Variants in TNK2 observed in about 807,000 individuals in gnomAD.
The protein encoded by TNK2 is tyrosine kinase non receptor 2, also known as activated CDC42 kinase 1.
Under a neutral mutation model 101.8 loss-of-function variants are expected in TNK2, and 83 were observed. The ratio of observed to expected loss-of-function variants is 0.82; its 90% CI spans 0.68 to 0.98. The LOEUF (loss-of-function observed/expected upper bound fraction) is 0.98. Among genes scored for constraint, TNK2 ranks in the 50% least tolerant of loss-of-function variants. The pLI, the probability that TNK2 is intolerant of heterozygous loss-of-function variation, is 0.00. For synonymous variants in TNK2, 804 were observed against 633.0 expected, an observed-to-expected ratio of 1.27 and a Z score of -4.06; for missense variants, 1,665 against 1,483.2, an observed-to-expected ratio of 1.12 and a Z score of -2.01.
rs34665404 is a variant in TNK2 at position 195,891,663 on chromosome 3, C to T, written c.-18-3057G>A. Among the ~76,000 whole-genome samples the T allele has an allele frequency of 3.2e-3, 490 of 152,218 alleles. 3 individuals are homozygous for T. Among genetic ancestry groups the T allele is most frequent in the African/African-American group, 0.011 (464 of 41,524 alleles). On this transcript the variant is annotated intron_variant, in intron 1 of 15. Coordinates refer to ENST00000672887, the MANE Select transcript of TNK2 (RefSeq NM_001382273.1). ...TGTCCCTGGAGCAAAGTGACCCCCC[C>T]CCTCCAGGGCTCAGCCTCAGGATGG...
intron 1 of TNK2, among the ~76,000 whole-genome samples, chr3:195,907,490 A>G (rs1761857762): frequency 1.3e-5 from 2 of 152,204 alleles, no homozygotes; most frequent in Admixed American, 6.5e-5. Flanking sequence ...CTGGGCAAGC[A>G]GCAACCCTGC....
chr3:195,870,927 G>GT (rs1267767889), intron 10 of TNK2, among the ~76,000 whole-genome samples: 2 of 151,418 alleles, frequency 1.3e-5, no homozygotes, highest in African/African-American at 4.8e-5. Context: ...GTTCTGGTGT[G>GT]TGGGGGCCCG....
intron 10 of TNK2, among the ~76,000 whole-genome samples, chr3:195,871,970 G>GGAGAACCCTCCCCA (rs1560488744): frequency 7.4e-6 from 1 of 136,000 alleles, no homozygotes; most frequent in Non-Finnish European, 1.6e-5. Context: ...ACCCTCCCCT[G>GGAGAACCCTCCCCA]GAGAACCCTC....
intron 1 of TNK2, among the ~76,000 whole-genome samples, chr3:195,891,662 C>T (rs537309974): frequency 6.6e-6 from 1 of 152,158 alleles, no homozygotes; most frequent in Non-Finnish European, 1.5e-5. Context: ...AGTGACCCCC[C>T]CCCTCCAGGG....
intron 1 of TNK2, among the ~76,000 whole-genome samples, chr3:195,890,885 C>T (rs1280753566): frequency 2.0e-5 from 3 of 152,228 alleles, no homozygotes; most frequent in African/African-American, 4.8e-5. Flanking sequence ...ACTCCCCTCT[C>T]GGTCAGCACT....
At chr3:195,883,447 T>C (rs927510342) in intron 4 of TNK2, 138 bp from the exon 5 acceptor site, 4 of 1,028,014 alleles carry the variant, frequency 3.9e-6, no homozygotes, top group Non-Finnish European at 5.7e-6. Context: ...ATGTCACCAG[T>C]GCCTGGGCTT....
intron 10 of TNK2, 120 bp downstream of exon 10, chr3:195,872,156 G>C (rs1055755941): frequency 2.6e-6 from 3 of 1,157,772 alleles, no homozygotes; most frequent in South Asian, 1.5e-5. Context: ...GAGAGTGGCG[G>C]GTCGGGGGCT....
In TNK2 at chr3:195,868,532, C is replaced by A; in HGVS notation, c.1766G>T (p.Gly589Val). ...SGAEVTLIDF[G>V]EEPVVPALRP... Reference sequence around the variant, plus strand: ...TAGGGCCGGGACCACGGGCTCCTCACCGAAGTCGATGAGCGTGACCTCAGC... The same window carrying A: ...TAGGGCCGGGACCACGGGCTCCTCAACGAAGTCGATGAGCGTGACCTCAGC... Residue 589 changes from glycine to valine, a missense_variant, in exon 13 of 16, where the codon GGT (glycine) becomes GTT (valine). By Grantham distance (109) the Gly-to-Val change is moderately radical. This residue lies in a region of TNK2 where 1,136 missense variants were observed against 894.9 expected (regional missense o/e 1.27). Coordinates refer to ENST00000672887, the MANE Select transcript of TNK2 (RefSeq NM_001382273.1). 1 of 1,564,330 alleles carries A rather than the reference C, an allele frequency of 6.4e-7. No homozygotes were observed. The highest frequency in any genetic ancestry group is 8.6e-7 in the Non-Finnish European group (1 of 1,163,852).
At position 195,864,085 on chromosome 3, in the gene TNK2, T is replaced by C; in HGVS notation, c.*96A>G. 6.5e-7 allele frequency: 1 copy of C among 1,535,208 alleles called. No homozygotes were observed. Among genetic ancestry groups the C allele is most frequent in the Non-Finnish European group, 8.9e-7 (1 of 1,119,960 alleles). ...CCCCGGGAGCAGCAGGAGCAGCGGGTCCTCCAGGACTGGATGGGGGCATCT... is the reference window on the plus strand; with the variant it reads ...CCCCGGGAGCAGCAGGAGCAGCGGGCCCTCCAGGACTGGATGGGGGCATCT... On this transcript the variant is annotated 3_prime_UTR_variant, in exon 16 of 16. Transcript: ENST00000672887.
intron 1 of TNK2, chr3:195,892,775 C>A (rs1176209773): frequency 3.3e-6 from 4 of 1,225,636 alleles, no homozygotes; most frequent in Admixed American, 4.3e-5. Context: ...CCCCGGCTTC[C>A]CCACCCAACT....
In TNK2 at chr3:195,867,923, CG is replaced by C. The variant is rs1560472051; in HGVS notation, c.2374del (p.Arg792GlyfsTer56). On this transcript the variant is annotated frameshift_variant, in exon 13 of 16. Coordinates refer to ENST00000672887, the MANE Select transcript of TNK2 (RefSeq NM_001382273.1). LOFTEE classifies it high-confidence loss of function. The part of the protein sequence containing the change: ...SQWPGPASPP[R>X]VPPREPLSPQ... ...GGACAGGGGCTCCCGCGGAGGCACC[CG>C]GGGAGGGGAAGCAGGTCCAGGCCAC... The C allele has an allele frequency of 1.3e-6, 2 of 1,532,008 alleles. No individual in the cohort carries two copies. The allele number at this position is 1,532,008 out of a possible 1,614,324, so 94.9% of individuals were successfully genotyped here. A position where few individuals can be genotyped will look rare whatever the true frequency, so the allele number is the denominator to read the frequency against.
At chr3:195,887,492 C>G (rs1756215806) in intron 2 of TNK2, among the ~76,000 whole-genome samples, 2 of 152,168 alleles carry the variant, frequency 1.3e-5, no homozygotes, top group Admixed American at 1.3e-4. Flanking sequence ...ACGTTATTAC[C>G]TATTTAGCTA....
Position 195,868,092 on chromosome 3 carries a change from G to A in TNK2, c.2206C>T (p.Pro736Ser), listed in dbSNP as rs765135399. The A allele has an allele frequency of 3.7e-6, 6 of 1,610,352 alleles. No individual in the cohort carries two copies. The South Asian group carries it at 5.5e-5, about 15-fold the overall frequency. Residue 736 changes from proline to serine, a missense_variant, in exon 13 of 16, where the codon CCG (proline) becomes TCG (serine). Physicochemically the swap from Pro to Ser is moderately conservative, Grantham distance 74. Around this residue, in one of 3 missense-constraint regions of TNK2, gnomAD observed 1,136 missense variants for 894.9 expected, o/e 1.27. Transcript: ENST00000672887. ...GGAGAGGGGGCCGGGGAGCCGGCCG[G>A]AGCCTGCAGTTGCCTCATGCACTCC... ...QQECMRQLQA[P>S]AGSPAPSPSP...
At chr3:195,876,819 C>T (rs1749654051) in intron 9 of TNK2, 1 of 359,632 alleles carries the variant, frequency 2.8e-6, no homozygotes, top group South Asian at 2.0e-5. Context: ...CCACTGCCCG[C>T]CTTGCCCGGG....
At chr3:195,903,128 C>T (rs1171287372) in intron 1 of TNK2, among the ~76,000 whole-genome samples, 4 of 150,798 alleles carry the variant, frequency 2.7e-5, no homozygotes, top group Non-Finnish European at 1.5e-5. Context: ...GCAACCTCCA[C>T]CTCCCAGGTT....
At chr3:195,864,673 G>A (rs578126629) in intron 15 of TNK2, among the ~76,000 whole-genome samples, 1 of 138,456 alleles carries the variant, frequency 7.2e-6, no homozygotes, top group South Asian at 2.5e-4. Context: ...GTGACAGACA[G>A]GTGACAGCGA....
At chr3:195,880,062 A>T (rs983270936) in intron 6 of TNK2, among the ~76,000 whole-genome samples, 2 of 152,096 alleles carry the variant, frequency 1.3e-5, no homozygotes, top group Non-Finnish European at 2.9e-5. Flanking sequence ...GGTTGCCCAC[A>T]GCCACCGCTT....
At chr3:195,897,146 G>C (rs534369034) in intron 1 of TNK2, among the ~76,000 whole-genome samples, 14 of 152,332 alleles carry the variant, frequency 9.2e-5, no homozygotes, top group African/African-American at 3.1e-4. Context: ...GCCCCACCAA[G>C]TTTAGTCAGC....
In TNK2 at chr3:195,868,232, G is replaced by T. The variant is rs765764522; in HGVS notation, c.2066C>A (p.Pro689His). Residue 689 changes from proline (P) to histidine (H), a missense_variant, in exon 13 of 16, where the codon CCT becomes CAT. Physicochemically the swap from Pro to His is moderately conservative, Grantham distance 77. Around this residue, in one of 3 missense-constraint regions of TNK2, gnomAD observed 1,136 missense variants for 894.9 expected, o/e 1.27. Transcript: ENST00000672887. ...GGGAGGGGGCGGCCGCGCCTGCTCA[G>T]GCACAAAGGCGTAGTTGGTCTGGCC... ...SQGQTNYAFV[P>H]EQARPPPPLE... 1 of 1,606,076 alleles carries T rather than the reference G, an allele frequency of 6.2e-7. No individual in the cohort carries two copies. The highest frequency in any genetic ancestry group is 1.7e-5 in the Admixed American group (1 of 59,916).
Sources: gnomAD v4.1 joint callset for allele counts (sites outside exome capture counted in the v4.1 genomes callset) on GRCh38, gnomAD v4.1.1 for gene constraint, gnomAD v4.1.1 regional missense constraint, MANE v1.5 for transcripts, NCBI Gene and HGNC (gene_info 2026-07-23, HGNC 2026-07-21) for gene names.